The following CDH18 variants were observed in gnomAD, a reference collection of about 807,000 sequenced individuals.
CDH18 encodes cadherin 18, also known as cadherin-18.
In CDH18, 31 loss-of-function variants were observed where a neutral mutation model predicts 67.9. The ratio of observed to expected loss-of-function variants is 0.46; its 90% confidence interval spans 0.34 to 0.62. The LOEUF (loss-of-function observed/expected upper bound fraction) is 0.62. Ranked by LOEUF, CDH18 falls within the 20% of genes least tolerant of loss-of-function variation. The probability of loss-of-function intolerance (pLI) is 0.01; values close to 1 mark genes in which losing one functional copy is unlikely to be tolerated. For synonymous variants in CDH18, 362 were observed against 347.2 expected (o/e 1.04, Z -0.48); for missense variants, 890 against 975.5 (o/e 0.91, Z 1.17).
intron 2 of CDH18, among the ~76,000 whole-genome samples, chr5:20,113,694 C>T (rs940762991): frequency 6.6e-6 from 1 of 151,994 alleles, no homozygotes; most frequent in African/African-American, 2.4e-5. Flanking sequence ...TATTTGTTGG[C>T]AAGACAATAA....
At chr5:20,520,329 T>C (rs757128760) in intron 1 of CDH18, among the ~76,000 whole-genome samples, 4 of 152,142 alleles carry the variant, frequency 2.6e-5, no homozygotes, top group Non-Finnish European at 5.9e-5. Flanking sequence ...TCTGCATCCA[T>C]GCATAATGTG....
intron 2 of CDH18, among the ~76,000 whole-genome samples, chr5:19,889,591 G>C (rs1305238235): frequency 1.3e-5 from 2 of 151,918 alleles, no homozygotes; most frequent in Admixed American, 1.3e-4. Context: ...TTAAAATGCT[G>C]TTATTTTAAA....
intron 5 of CDH18, among the ~76,000 whole-genome samples, chr5:19,709,295 C>T (rs529372754): frequency 2.0e-5 from 3 of 152,208 alleles, no homozygotes; most frequent in East Asian, 1.9e-4. Context: ...TGGCCCAGCA[C>T]GGTGGCTCAT....
intron 2 of CDH18, among the ~76,000 whole-genome samples, chr5:20,171,116 C>T (rs901462031): frequency 6.6e-6 from 1 of 151,888 alleles, no homozygotes; most frequent in African/African-American, 2.4e-5. Context: ...TCCAGTCTGC[C>T]ACTGATGGAC....
At chr5:20,138,008 C>CA (rs1248869634) in intron 2 of CDH18, among the ~76,000 whole-genome samples, 1 of 151,728 alleles carries the variant, frequency 6.6e-6, no homozygotes, top group South Asian at 2.1e-4. Flanking sequence ...AGAGACACAA[C>CA]AAAAAAAGAG....
At chr5:20,509,572 AGTTTT>A (rs372190289) in intron 1 of CDH18, among the ~76,000 whole-genome samples, 1,257 of 21,688 alleles carry the variant, frequency 0.058, 22 homozygotes, top group African/African-American at 0.14. Context: ...CACCACGCCC[AGTTTT>A]GTTTTGTTTT....
At chr5:19,625,913 T>C (rs1000785060) in intron 5 of CDH18, among the ~76,000 whole-genome samples, 3 of 151,966 alleles carry the variant, frequency 2.0e-5, no homozygotes, top group Non-Finnish European at 2.9e-5. Context: ...GAGTCCCTTT[T>C]CCCCCCTTTT....
intron 5 of CDH18, among the ~76,000 whole-genome samples, chr5:19,710,674 T>C (rs1252713228): frequency 6.6e-6 from 1 of 152,052 alleles, no homozygotes; most frequent in Non-Finnish European, 1.5e-5. Context: ...ACGTGACAAA[T>C]GTTATGTAAA....
At position 19,880,293 on chromosome 5, in the gene CDH18, T is replaced by A. The variant is rs573108475; in HGVS notation, c.-256-41051A>T. On this transcript the variant is annotated intron_variant, in intron 2 of 12. Coordinates refer to ENST00000382275, the MANE Select transcript of CDH18 (RefSeq NM_004934.5). The stretch of plus-strand genomic sequence containing the variant: ...CCTAGCTATATTAGAAACTTAAGTA[T>A]ATTAAATTACATTTTATTTAAATTC... 2.0e-5 allele frequency among the ~76,000 whole-genome samples: 3 copies of A among 152,174 alleles called. No homozygotes were observed. The South Asian group carries it at 6.2e-4, about 32-fold the overall frequency.
At chr5:20,281,120 T>A (rs1003667429) in intron 1 of CDH18, among the ~76,000 whole-genome samples, 8 of 152,304 alleles carry the variant, frequency 5.3e-5, no homozygotes, top group Admixed American at 2.0e-4. Context: ...CTTTGTCAGA[T>A]GAGTAGGTTG....
At chr5:20,083,852 A>C (rs956427577) in intron 2 of CDH18, among the ~76,000 whole-genome samples, 1 of 152,138 alleles carries the variant, frequency 6.6e-6, no homozygotes, top group Non-Finnish European at 1.5e-5. Flanking sequence ...TATCACGAGA[A>C]CAGCATGGGA....
At chr5:20,290,102 A>T (rs1270193779) in intron 1 of CDH18, among the ~76,000 whole-genome samples, 1 of 152,134 alleles carries the variant, frequency 6.6e-6, no homozygotes, top group Non-Finnish European at 1.5e-5. Flanking sequence ...TGTCAAGTGC[A>T]TTCTACAGCA....
At chr5:19,990,065 C>G (rs1017662043), upstream of CDH18, among the ~76,000 whole-genome samples, 1 of 152,086 alleles carries the variant, frequency 6.6e-6, no homozygotes, top group Non-Finnish European at 1.5e-5. Context: ...TGTCCAGACA[C>G]AAATTCTTAA....
intron 2 of CDH18, among the ~76,000 whole-genome samples, chr5:19,905,401 T>C (rs988946194): frequency 2.6e-5 from 4 of 151,994 alleles, no homozygotes; most frequent in African/African-American, 9.7e-5. Context: ...GGCTTGCAAA[T>C]ACTTTATTTT....
intron 1 of CDH18, chr5:20,304,353 A>C (rs1561955013): frequency 6.6e-7 from 1 of 1,507,656 alleles, no homozygotes; most frequent in Non-Finnish European, 9.2e-7. Context: ...TCTTTCTTGT[A>C]AAATAGTTTA....
chr5:19,531,068 G>A (rs572055954), intron 9 of CDH18, among the ~76,000 whole-genome samples: 63 of 152,242 alleles, frequency 4.1e-4, no homozygotes, highest in Non-Finnish European at 8.1e-4. Context: ...GCTGTAGACC[G>A]GAGCTGTTCC....
intron 10 of CDH18, among the ~76,000 whole-genome samples, chr5:19,512,045 C>T (rs1293422823): frequency 6.6e-6 from 1 of 152,084 alleles, no homozygotes; most frequent in Non-Finnish European, 1.5e-5. Flanking sequence ...GGACTTGGTG[C>T]CCTGCATCCA....
chr5:20,504,760 A>ATTTTTTTTT (rs70954666), intron 1 of CDH18, among the ~76,000 whole-genome samples: 2 of 67,990 alleles, frequency 2.9e-5, no homozygotes, highest in Admixed American at 1.8e-4. Flanking sequence ...ACAAAAGGGA[A>ATTTTTTTTT]TTTTTTTTTT....
At chr5:20,123,879 TC>T (rs1748589269) in intron 2 of CDH18, among the ~76,000 whole-genome samples, 1 of 93,030 alleles carries the variant, frequency 1.1e-5, no homozygotes, top group South Asian at 4.1e-4. Context: ...AGAGCGAGAC[TC>T]CGTCTCAAAA....
Sources: allele counts gnomAD v4.1 joint callset (sites outside exome capture counted in the v4.1 genomes callset), GRCh38; gene constraint gnomAD v4.1.1; transcripts MANE v1.5; gene names NCBI Gene and HGNC (gene_info 2026-07-23, HGNC 2026-07-21).